DMD: variants seen among roughly 807,000 people sequenced by gnomAD.
DMD encodes the protein dystrophin.
DMD carries 63 observed loss-of-function variants against 330.1 expected under a neutral mutation model. The observed-to-expected ratio is 0.19, with a 90% confidence interval of 0.16 to 0.24. DMD has a LOEUF of 0.24. Among genes scored for constraint, DMD ranks in the 10% least tolerant of loss-of-function variants. The pLI is 1.00. For missense variants in DMD, 3,344 were observed against 2,684.1 expected (o/e 1.25, Z -5.43); for synonymous variants, 1,223 against 959.8 (o/e 1.27, Z -5.07).
intron 1 of DMD, among the ~76,000 whole-genome samples, chrX:33,184,720 CTTTTT>C (rs11317329): frequency 2.0e-5 from 1 of 51,084 alleles, no homozygotes; most frequent in South Asian, 1.2e-3. Context: ...TTTTTTCTTT[CTTTTT>C]TTTTTTTTTT....
chrX:32,600,625 A>C (rs866520214), intron 12 of DMD, among the ~76,000 whole-genome samples: 1 of 95,593 alleles, frequency 1.0e-5, no homozygotes, highest in South Asian at 4.8e-4. Context: ...CACACACACA[A>C]AACACACCCC....
intron 44 of DMD, among the ~76,000 whole-genome samples, chrX:32,145,862 A>T (rs1239209803): frequency 2.7e-5 from 3 of 112,054 alleles, no homozygotes; most frequent in Non-Finnish European, 5.6e-5. Flanking sequence ...CTATTATTTT[A>T]TTTTACTAAT....
chrX:33,031,968 T>C (rs1433068262), intron 1 of DMD, among the ~76,000 whole-genome samples: 1 of 112,048 alleles, frequency 8.9e-6, no homozygotes, highest in Non-Finnish European at 1.9e-5. Context: ...TAGAGATCAG[T>C]ATTATTATTC....
At chrX:32,200,124 T>C (rs1164011795) in intron 44 of DMD, among the ~76,000 whole-genome samples, 3 of 111,333 alleles carry the variant, frequency 2.7e-5, no homozygotes, top group Admixed American at 9.6e-5. Flanking sequence ...CTCTGCACTT[T>C]TGAATTGGGA....
intron 45 of DMD, among the ~76,000 whole-genome samples, chrX:31,943,434 C>A (rs1166218096): frequency 1.8e-5 from 2 of 112,198 alleles, no homozygotes; most frequent in Non-Finnish European, 3.8e-5. Context: ...GACATTGCAT[C>A]TGATTATAAA....
chrX:32,884,543 G>GA (rs1305978396), intron 2 of DMD, among the ~76,000 whole-genome samples: 1 of 111,659 alleles, frequency 9.0e-6, no homozygotes, highest in Non-Finnish European at 1.9e-5. Flanking sequence ...GAGTCTGACA[G>GA]AAAATTTGAA....
chrX:33,094,807 C>CAAAAAAAA (rs199716276), intron 1 of DMD, among the ~76,000 whole-genome samples: 1 of 60,086 alleles, frequency 1.7e-5, no homozygotes. Context: ...GACTCCATCT[C>CAAAAAAAA]AAAAAAAAAA....
intron 55 of DMD, among the ~76,000 whole-genome samples, chrX:31,621,825 A>G (rs1034234722): frequency 8.9e-6 from 1 of 111,899 alleles, no homozygotes; most frequent in Non-Finnish European, 1.9e-5. Context: ...GTTCCTTCAG[A>G]TTCTCACACT....
intron 9 of DMD, among the ~76,000 whole-genome samples, chrX:32,676,650 T>G (rs1192389937): frequency 9.0e-6 from 1 of 111,551 alleles, no homozygotes; most frequent in Non-Finnish European, 1.9e-5. Context: ...TGATGATTGT[T>G]ATACCATTTT....
At chrX:32,195,597 T>C (rs2096995945) in intron 44 of DMD, among the ~76,000 whole-genome samples, 2 of 112,718 alleles carry the variant, frequency 1.8e-5, no homozygotes, top group African/African-American at 6.4e-5. Context: ...TATTCATATA[T>C]GATTTACAAA....
rs183105507 is a variant in DMD at position 32,737,142 on chromosome X, G to C, written c.650-37849C>G. ...CCACCACCAACAGCAACAACAAAAG[G>C]GGGGGGACATAAAATCTATATAATT... is the stretch of plus-strand genomic sequence containing the variant. On this transcript the variant is annotated intron_variant, in intron 7 of 78. Coordinates refer to ENST00000357033, the MANE Select transcript of DMD (RefSeq NM_004006.3). Among the ~76,000 whole-genome samples, 121 of 109,870 alleles carry C rather than the reference G, an allele frequency of 1.1e-3. 1 individual carries two copies. The highest frequency in any genetic ancestry group is 3.7e-3 in the African/African-American group (111 of 30,249).
chrX:33,155,134 C>T (rs1207503537), intron 1 of DMD, among the ~76,000 whole-genome samples: 1 of 111,436 alleles, frequency 9.0e-6, no homozygotes, highest in African/African-American at 3.3e-5. Context: ...TTTAATTTTC[C>T]TATTCTTTTA....
chrX:32,330,103 G>T (rs927889326), intron 41 of DMD, among the ~76,000 whole-genome samples: 1 of 112,116 alleles, frequency 8.9e-6, no homozygotes, highest in African/African-American at 3.2e-5. Flanking sequence ...TACTAAATGG[G>T]TGCTAAACTA....
intron 44 of DMD, among the ~76,000 whole-genome samples, chrX:32,165,894 T>TC (rs1259939230): frequency 9.0e-6 from 1 of 111,152 alleles, no homozygotes; most frequent in Non-Finnish European, 1.9e-5. Flanking sequence ...TATAAGGGTC[T>TC]CTTCCCCCTT....
chrX:32,127,749 T>C (rs1271854798), intron 44 of DMD, among the ~76,000 whole-genome samples: 6 of 112,481 alleles, frequency 5.3e-5, no homozygotes, highest in Non-Finnish European at 7.5e-5. Flanking sequence ...TACATCAGCT[T>C]TGTTAAATCA....
At chrX:31,196,819 C>CAAAAAAA (rs59602681) in intron 67 of DMD, among the ~76,000 whole-genome samples, 3 of 24,701 alleles carry the variant, frequency 1.2e-4, no homozygotes, top group East Asian at 1.7e-3. Flanking sequence ...GACTCTGTCT[C>CAAAAAAA]AAAAAAAAAA....
rs1353641487 is a variant in DMD, at chrX:33,298,310, C to T, written c.7+40949G>A. On this transcript the variant is annotated intron_variant, in intron 1 of 17. Transcript: ENST00000288447. ...AGCCGCACATATCTCAATTCTTACT[C>T]AAAATTTAATTAATCTTCAGTGATG... Among the ~76,000 whole-genome samples the T allele has an allele frequency of 3.6e-5, 4 of 111,563 alleles. No homozygotes were observed. The Admixed American group carries it at 3.8e-4, about 11-fold the overall frequency.
intron 7 of DMD, among the ~76,000 whole-genome samples, chrX:32,748,099 T>A (rs2070294116): frequency 9.1e-6 from 1 of 110,202 alleles, no homozygotes; most frequent in Non-Finnish European, 1.9e-5. Flanking sequence ...TCCCAGCACT[T>A]TGGGAGGCTG....
At chrX:31,217,547 CTTAAAG>C (rs1390622938) in intron 64 of DMD, among the ~76,000 whole-genome samples, 3 of 112,085 alleles carry the variant, frequency 2.7e-5, no homozygotes, top group Admixed American at 9.5e-5. Context: ...ATTAATTTTC[CTTAAAG>C]TTAGAGTTGG....
Sources: allele counts gnomAD v4.1 joint callset (sites outside exome capture counted in the v4.1 genomes callset), GRCh38; gene constraint gnomAD v4.1.1; transcripts MANE v1.5; gene names NCBI Gene and HGNC (gene_info 2026-07-23, HGNC 2026-07-21).